Variants in GATA4 observed in about 807,000 individuals in gnomAD.
GATA4 encodes transcription factor GATA-4.
GATA4 carries 7 observed loss-of-function variants against 37.9 expected under a neutral mutation model. The observed-to-expected ratio is 0.18, with a 90% CI of 0.11 to 0.35. The LOEUF (loss-of-function observed/expected upper bound fraction) is 0.35. GATA4 is among the 10% of genes least tolerant of loss of function. The pLI, the probability that GATA4 is intolerant of heterozygous loss-of-function variation, is 1.00. For missense variants in GATA4, 647 were observed against 653.0 expected, an observed-to-expected ratio of 0.99 and a Z score of 0.10; for synonymous variants, 372 against 292.6, an observed-to-expected ratio of 1.27 and a Z score of -2.77.
chr8:11,729,454 A>C (rs59946151), intron 2 of GATA4, among the ~76,000 whole-genome samples: 2,835 of 151,714 alleles, frequency 0.019, 83 homozygotes, highest in South Asian at 0.099. Context: ...CTATAATCCC[A>C]GCTACTTGGG....
At chr8:11,737,449 G>T (rs111707698) in intron 2 of GATA4, among the ~76,000 whole-genome samples, 68 of 152,312 alleles carry the variant, frequency 4.5e-4, no homozygotes, top group Middle Eastern at 3.4e-3. Flanking sequence ...TTCCCTTTCC[G>T]TCCTGCCAGC....
chr8:11,711,059 T>G (rs997824581), intron 2 of GATA4, among the ~76,000 whole-genome samples: 80 of 151,940 alleles, frequency 5.3e-4, no homozygotes, highest in African/African-American at 1.8e-3. Context: ...TGAGTGAGAT[T>G]GCTCCACTGC....
At chr8:11,697,352 C>A (rs556315970) in intron 1 of GATA4, among the ~76,000 whole-genome samples, 1 of 152,368 alleles carries the variant, frequency 6.6e-6, no homozygotes, top group African/African-American at 2.4e-5. Flanking sequence ...ACAGTGAACA[C>A]CCTTTGACAG....
chr8:11,688,114 C>T (rs532836159), upstream of GATA4, among the ~76,000 whole-genome samples: 4 of 152,194 alleles, frequency 2.6e-5, no homozygotes, highest in Non-Finnish European at 5.9e-5. Context: ...ATTCATCTCT[C>T]ATTTATCATC....
chr8:11,745,937 C>T (rs948236178), intron 2 of GATA4, among the ~76,000 whole-genome samples: 2 of 152,128 alleles, frequency 1.3e-5, no homozygotes, highest in Admixed American at 1.3e-4. Context: ...GTTAAGAGTT[C>T]GTTTTCATAT....
At chr8:11,730,067 T>C (rs1801131530) in intron 2 of GATA4, among the ~76,000 whole-genome samples, 1 of 152,052 alleles carries the variant, frequency 6.6e-6, no homozygotes, top group Non-Finnish European at 1.5e-5. Flanking sequence ...CTGGAATTAC[T>C]ACCATGCCCA....
intron 1 of GATA4, chr8:11,681,076 A>G (rs1798954944): frequency 1.0e-6 from 1 of 961,314 alleles, no homozygotes; most frequent in Non-Finnish European, 1.2e-6. Flanking sequence ...TTGGAGGGAC[A>G]TTGAGGGGCA....
chr8:11,682,683 A>C (rs146118590), intron 1 of GATA4, among the ~76,000 whole-genome samples: 1 of 152,238 alleles, frequency 6.6e-6, no homozygotes, highest in African/African-American at 2.4e-5. Context: ...GAAATTCAGA[A>C]GGAAGATGTG....
At chr8:11,678,220 A>G (rs1039745294) in intron 1 of GATA4, among the ~76,000 whole-genome samples, 3 of 152,088 alleles carry the variant, frequency 2.0e-5, no homozygotes, top group African/African-American at 7.2e-5. Context: ...CTGTAGCCTC[A>G]GGAGGACCCA....
At chr8:11,690,698 C>T (rs969305909), upstream of GATA4, among the ~76,000 whole-genome samples, 2 of 152,060 alleles carry the variant, frequency 1.3e-5, no homozygotes, top group South Asian at 2.1e-4. Context: ...AGTGAGACCC[C>T]GTCTTTACAA....
chr8:11,692,888 C>T, intron 1 of GATA4: 1 of 982,490 alleles, frequency 1.0e-6, no homozygotes, highest in South Asian at 4.7e-5. Flanking sequence ...CCGCCCGCCG[C>T]CCCGCGCTCG....
intron 6 of GATA4, 95 bp downstream of exon 6, chr8:11,757,178 G>A: frequency 6.5e-7 from 1 of 1,539,266 alleles, no homozygotes; most frequent in East Asian, 2.4e-5. Flanking sequence ...CTTGCAGCCA[G>A]GCCTCACAGG....
intron 2 of GATA4, among the ~76,000 whole-genome samples, chr8:11,712,577 C>G (rs1300324737): frequency 1.3e-5 from 2 of 151,734 alleles, no homozygotes; most frequent in Admixed American, 1.3e-4. Context: ...GAAAAAGAGG[C>G]CAGGTGCAGT....
intron 1 of GATA4, among the ~76,000 whole-genome samples, chr8:11,678,947 C>T (rs1037500753): frequency 1.3e-5 from 2 of 152,196 alleles, no homozygotes; most frequent in African/African-American, 4.8e-5. Flanking sequence ...TCTCCCTGGT[C>T]TAGTCTCAAG....
At chr8:11,747,268 C>A (rs531684832) in intron 2 of GATA4, among the ~76,000 whole-genome samples, 118 of 152,290 alleles carry the variant, frequency 7.7e-4, no homozygotes, top group Non-Finnish European at 7.5e-4. Context: ...TTTATAGAGA[C>A]TACGGGGAGC....
chr8:11,716,426 TG>T (rs1164166893), intron 2 of GATA4, among the ~76,000 whole-genome samples: 1 of 152,218 alleles, frequency 6.6e-6, no homozygotes, highest in Non-Finnish European at 1.5e-5. Context: ...TTTACAATTT[TG>T]GGGGTTTTCC....
chr8:11,741,561 AT>A (rs1459882896), intron 2 of GATA4, among the ~76,000 whole-genome samples: 3 of 152,120 alleles, frequency 2.0e-5, no homozygotes, highest in Admixed American at 6.6e-5. Flanking sequence ...TGGCATTGTG[AT>A]TGCAGAGGCT....
chr8:11,681,765 C>T (rs1309964224), intron 1 of GATA4, among the ~76,000 whole-genome samples: 1 of 152,020 alleles, frequency 6.6e-6, no homozygotes, highest in Non-Finnish European at 1.5e-5. Context: ...GTTCTTTGCC[C>T]ACAGCATTCG....
chr8:11,708,360 T>A lies in GATA4; in HGVS notation c.48T>A (p.Gly16=). The change falls in exon 2 of 7, where the codon GGT becomes GGA. Residue 16 remains glycine, a synonymous_variant. Coordinates refer to ENST00000532059, the MANE Select transcript of GATA4 (RefSeq NM_001308093.3). The surrounding 1 kb of genome is among the most constrained non-coding windows in gnomAD (Gnocchi z 6.7). The part of the protein sequence containing the change: ...AMAANHGPPP[G]AYEAGGPGAF... ...CCGCCAACCACGGGCCGCCCCCCGG[T>A]GCCTACGAGGCGGGCGGCCCCGGCG... The A allele has an allele frequency of 6.3e-7, 1 of 1,579,898 alleles. No individual in the cohort carries two copies. The highest frequency in any genetic ancestry group is 1.1e-5 in the South Asian group (1 of 88,210).
Sources: gnomAD v4.1 joint callset for allele counts (sites outside exome capture counted in the v4.1 genomes callset) on GRCh38, gnomAD v4.1.1 for gene constraint, Gnocchi (gnomAD v3.1) non-coding constraint, MANE v1.5 for transcripts, NCBI Gene and HGNC (gene_info 2026-07-23, HGNC 2026-07-21) for gene names.